Variants in SEC24D observed in about 807,000 individuals in gnomAD.
The protein encoded by SEC24D is protein transport protein Sec24D.
In SEC24D, 69 loss-of-function variants were observed where a neutral mutation model predicts 116.9. The ratio of observed to expected loss-of-function variants is 0.59; its 90% CI spans 0.49 to 0.72. The LOEUF (loss-of-function observed/expected upper bound fraction) is 0.72. Among genes scored for constraint, SEC24D ranks in the 30% least tolerant of loss-of-function variants. The pLI is 0.00. For missense variants in SEC24D, 1,131 were observed against 1,264.1 expected (o/e 0.89, Z 1.60); for synonymous variants, 405 against 442.8 (o/e 0.91, Z 1.07).
rs367924974 is a variant in SEC24D, at chr4:118,824,572, T to C, written c.248+48A>G. On this transcript the variant is annotated intron_variant, in intron 3 of 22. Coordinates refer to ENST00000280551, the MANE Select transcript of SEC24D (RefSeq NM_014822.4). Reference sequence around the variant, plus strand: ...ACAAGCTTAGAAGGTATTTCTGAAATAATTTTAGGAGAATATACAAACGAA... The same window carrying C: ...ACAAGCTTAGAAGGTATTTCTGAAACAATTTTAGGAGAATATACAAACGAA... 2.5e-4 allele frequency: 390 copies of C among 1,568,756 alleles called. 1 individual carries two copies. The highest frequency in any genetic ancestry group is 8.5e-4 in the Middle Eastern group (5 of 5,906).
At chr4:118,805,804 T>C in intron 7 of SEC24D, 39 bp downstream of exon 7, 1 of 1,305,976 alleles carries the variant, frequency 7.7e-7, no homozygotes, top group African/African-American at 1.5e-5. Flanking sequence ...GGTGAGAAAT[T>C]TTAAAACCTT....
At chr4:118,737,205 A>G (rs1194017599) in intron 19 of SEC24D, among the ~76,000 whole-genome samples, 1 of 152,238 alleles carries the variant, frequency 6.6e-6, no homozygotes, top group East Asian at 1.9e-4. Flanking sequence ...AACCTGAACT[A>G]GCATGCTATG....
intron 2 of SEC24D, among the ~76,000 whole-genome samples, chr4:118,831,547 G>A (rs1256630009): frequency 6.6e-6 from 1 of 151,992 alleles, no homozygotes; most frequent in Non-Finnish European, 1.5e-5. Context: ...ACGCAGCCCA[G>A]GACAGCTTTG....
chr4:118,823,111 G>A (rs527336133), intron 3 of SEC24D, among the ~76,000 whole-genome samples: 8 of 152,138 alleles, frequency 5.3e-5, no homozygotes, highest in Non-Finnish European at 1.0e-4. Flanking sequence ...ACCAGAAGAG[G>A]CATTTTGGTT....
intron 2 of SEC24D, chr4:118,825,548 G>A: frequency 2.2e-6 from 1 of 456,044 alleles, no homozygotes; most frequent in Non-Finnish European, 4.4e-6. Context: ...GTAGTTCAAG[G>A]CCCCACTGGT....
chr4:118,724,531 T>C (rs1326324100), intron 22 of SEC24D, among the ~76,000 whole-genome samples: 2 of 152,202 alleles, frequency 1.3e-5, no homozygotes, highest in Non-Finnish European at 2.9e-5. Flanking sequence ...ATAGAAATTA[T>C]ATTTTAGATA....
intron 3 of SEC24D, among the ~76,000 whole-genome samples, chr4:118,820,139 A>G (rs1277192124): frequency 6.6e-6 from 1 of 152,118 alleles, no homozygotes; most frequent in African/African-American, 2.4e-5. Context: ...AAATGAGGGA[A>G]GAGATGAAAG....
intron 19 of SEC24D, chr4:118,733,378 A>G (rs1212302382): frequency 6.3e-4 from 1 of 1,590 alleles, no homozygotes; most frequent in Non-Finnish European, 0.014. Context: ...AGATATATAC[A>G]TAGTTTAATA....
chr4:118,762,270 A>G (rs1727420826), intron 10 of SEC24D, among the ~76,000 whole-genome samples: 1 of 152,236 alleles, frequency 6.6e-6, no homozygotes, highest in Middle Eastern at 3.4e-3. Flanking sequence ...TTGCTCATGT[A>G]TACACAGTGT....
chr4:118,777,572 C>A (rs1728197027), intron 8 of SEC24D, among the ~76,000 whole-genome samples: 1 of 152,200 alleles, frequency 6.6e-6, no homozygotes, highest in African/African-American at 2.4e-5. Context: ...AATAAACATA[C>A]ATGTGCATGT....
rs867935347 is a variant in SEC24D at position 118,743,823 on chromosome 4, A to C, written c.1995+165T>G. ...AGGTTGGTTGAAGCCAAGATGCAGA[A>C]CTCTCCTTATAAAAAGGACCAACGG... is the stretch of plus-strand genomic sequence containing the variant. On this transcript the variant is annotated intron_variant, in intron 15 of 22. Transcript: ENST00000280551. Among the ~76,000 whole-genome samples, 103 of 152,154 alleles carry C rather than the reference A, an allele frequency of 6.8e-4. 1 individual carries two copies. Among genetic ancestry groups the C allele is most frequent in the African/African-American group, 2.4e-3 (99 of 41,432 alleles).
chr4:118,755,451 AAAAAC>A (rs1414219527), intron 11 of SEC24D, among the ~76,000 whole-genome samples: 2 of 150,708 alleles, frequency 1.3e-5, no homozygotes, highest in Non-Finnish European at 3.0e-5. Context: ...CAGCAGCATT[AAAAAC>A]AAACAGACAA....
chr4:118,744,992 C>T lies in SEC24D; in HGVS notation c.1776G>A (p.Lys592=), dbSNP rs192646474. The T allele has an allele frequency of 8.7e-6, 14 of 1,612,362 alleles. No homozygotes were observed. Among genetic ancestry groups the T allele is most frequent in the Non-Finnish European group, 1.1e-5 (13 of 1,179,338 alleles). ...GTTTTTTGTCATCTCTGTTTTTGAG[C>T]TTCCCTGGTGCTTCAGCAGTTGGCA... ...SSLPTAEAPG[K]LKNRDDKKLV... Residue 592 remains lysine, a synonymous_variant, in exon 14 of 23, where the codon AAG becomes AAA. Transcript: ENST00000280551.
At position 118,797,740 on chromosome 4, in the gene SEC24D, T is replaced by C. The variant is rs941242475; in HGVS notation, c.984A>G (p.Gln328=). 10 of 1,611,456 alleles carry C rather than the reference T, an allele frequency of 6.2e-6. No individual in the cohort carries two copies. The highest frequency in any genetic ancestry group is 1.3e-5 in the African/African-American group (1 of 74,930). Residue 328 remains glutamine (Q), a synonymous_variant, in exon 8 of 23, where the codon CAA becomes CAG. Coordinates refer to ENST00000280551, the MANE Select transcript of SEC24D (RefSeq NM_014822.4). ...TGACAGCAGCTAATGGAATCTGAGC[T>C]TGCTTAGCCATATCTGACGTGCATG... ...CFPCTSDMAK[Q]AQIPLAAVIK... is the part of the protein sequence containing the mutation.
chr4:118,821,820 G>A (rs1730416734), intron 3 of SEC24D, among the ~76,000 whole-genome samples: 1 of 152,220 alleles, frequency 6.6e-6, no homozygotes, highest in Non-Finnish European at 1.5e-5. Context: ...ACAGAAGCAT[G>A]TCCCATGAGG....
chr4:118,832,823 C>T (rs2110545782), intron 2 of SEC24D, among the ~76,000 whole-genome samples: 1 of 152,216 alleles, frequency 6.6e-6, no homozygotes, highest in South Asian at 2.1e-4. Flanking sequence ...CAGTTAGAAA[C>T]TGAAGGGGTT....
intron 9 of SEC24D, among the ~76,000 whole-genome samples, chr4:118,766,047 G>C (rs1229556393): frequency 1.3e-5 from 2 of 152,212 alleles, no homozygotes; most frequent in Admixed American, 1.3e-4. Flanking sequence ...ATTTAGATGA[G>C]ATGGAGGATG....
In SEC24D at chr4:118,728,597, C is replaced by G. The variant is rs1181244614; in HGVS notation, c.2922G>C (p.Met974Ile). The stretch of plus-strand genomic sequence containing the variant: ...ATGGCCTCTTTTGTTGGATAATACC[C>G]ATTATCATTCTGAGTTGTTGAGAGT... ...NPYSQQLRMIMGIIQQKRPYS... is the reference protein window; with the variant it reads ...NPYSQQLRMIIGIIQQKRPYS... The change falls in exon 22 of 23, where the codon ATG becomes ATC. Residue 974 changes from methionine (M) to isoleucine (I), a missense_variant. By Grantham distance (10) the Met-to-Ile change is conservative. Coordinates refer to ENST00000280551, the MANE Select transcript of SEC24D (RefSeq NM_014822.4). 4 of 1,609,822 alleles carry G rather than the reference C, an allele frequency of 2.5e-6. No homozygotes were observed. In the Admixed American group the frequency reaches 6.7e-5, roughly 27 times the overall value.
chr4:118,742,464 C>T (rs1228275619), intron 15 of SEC24D, among the ~76,000 whole-genome samples: 1 of 152,084 alleles, frequency 6.6e-6, no homozygotes, highest in Non-Finnish European at 1.5e-5. Flanking sequence ...TACCTCAATA[C>T]CCAGAATGTG....
Sources: gnomAD v4.1 joint callset for allele counts (sites outside exome capture counted in the v4.1 genomes callset) on GRCh38, gnomAD v4.1.1 for gene constraint, MANE v1.5 for transcripts, NCBI Gene and HGNC (gene_info 2026-07-23, HGNC 2026-07-21) for gene names.